Variants in MYRIP observed in about 807,000 individuals in gnomAD.
MYRIP encodes the protein rab effector MyRIP.
Under a neutral mutation model 98.0 loss-of-function variants are expected in MYRIP, and 49 were observed. The observed-to-expected ratio is 0.50, with a 90% CI of 0.40 to 0.63. The LOEUF is 0.63. Among genes scored for constraint, MYRIP ranks in the 30% least tolerant of loss-of-function variants. The pLI is 0.00. For synonymous variants in MYRIP, 404 were observed against 409.5 expected (o/e 0.99, Z 0.16); for missense variants, 1,004 against 1,058.2 (o/e 0.95, Z 0.71).
intron 2 of MYRIP, among the ~76,000 whole-genome samples, chr3:39,993,505 A>G (rs1468649218): frequency 6.6e-6 from 1 of 152,174 alleles, no homozygotes; most frequent in East Asian, 1.9e-4. Context: ...TGGAGGAAAA[A>G]GTACCACCAT....
At chr3:39,877,755 G>C (rs1247388067) in intron 1 of MYRIP, among the ~76,000 whole-genome samples, 1 of 151,984 alleles carries the variant, frequency 6.6e-6, no homozygotes, top group Non-Finnish European at 1.5e-5. Flanking sequence ...TGCCCCTACT[G>C]GGGGGTACCT....
At chr3:40,117,424 C>T (rs1241674188) in intron 3 of MYRIP, among the ~76,000 whole-genome samples, 7 of 152,206 alleles carry the variant, frequency 4.6e-5, no homozygotes, top group Non-Finnish European at 1.0e-4. Context: ...TAGCTTGAGG[C>T]AACCTTCTGC....
Position 40,244,465 on chromosome 3 carries a change from C to G in MYRIP, c.2120C>G (p.Thr707Ser). The part of the protein sequence containing the change: ...LEENVYLAAG[T>S]VYGLETQLTE... The stretch of plus-strand genomic sequence containing the variant: ...CTACAGGTATACCTGGCAGCAGGCA[C>G]TGTGTATGGACTGGAGACCCAGCTG... Residue 707 changes from threonine (T) to serine (S), a missense_variant, in exon 13 of 17, where the codon ACT becomes AGT. By Grantham distance (58) the Thr-to-Ser change is moderately conservative. Coordinates refer to ENST00000302541, the MANE Select transcript of MYRIP (RefSeq NM_015460.4). 3.1e-6 allele frequency: 5 copies of G among 1,612,906 alleles called. No individual in the cohort carries two copies. In the South Asian group the frequency reaches 4.4e-5, roughly 14 times the overall value.
intron 1 of MYRIP, among the ~76,000 whole-genome samples, chr3:39,841,109 G>T (rs1297082673): frequency 6.6e-6 from 1 of 151,872 alleles, no homozygotes; most frequent in East Asian, 2.0e-4. Flanking sequence ...ATCAAATGTA[G>T]GTTTGGTTTT....
At chr3:40,165,918 T>A (rs528770192) in intron 5 of MYRIP, among the ~76,000 whole-genome samples, 1 of 152,350 alleles carries the variant, frequency 6.6e-6, no homozygotes, top group East Asian at 1.9e-4. Context: ...GGAATCCAGC[T>A]GGATTCAAAT....
chr3:39,812,455 A>G (rs1429437098), intron 1 of MYRIP, among the ~76,000 whole-genome samples: 1 of 152,176 alleles, frequency 6.6e-6, no homozygotes, highest in Non-Finnish European at 1.5e-5. Context: ...CACCTTGATC[A>G]TTAGTTATTT....
intron 2 of MYRIP, among the ~76,000 whole-genome samples, chr3:40,010,304 C>T (rs1479098559): frequency 1.3e-5 from 2 of 152,214 alleles, no homozygotes; most frequent in Non-Finnish European, 2.9e-5. Flanking sequence ...GGAAAGCTGG[C>T]CTCTGAGAGT....
chr3:40,034,143 A>G (rs545534384), intron 2 of MYRIP, among the ~76,000 whole-genome samples: 8 of 151,804 alleles, frequency 5.3e-5, no homozygotes, highest in Non-Finnish European at 1.0e-4. Flanking sequence ...AGGCATTACT[A>G]TTCAGGACAT....
At chr3:39,811,333 A>G (rs1940681469) in intron 1 of MYRIP, among the ~76,000 whole-genome samples, 1 of 152,194 alleles carries the variant, frequency 6.6e-6, no homozygotes, top group Non-Finnish European at 1.5e-5. Flanking sequence ...CTTGGAGTTC[A>G]TAGGATATGA....
intron 1 of MYRIP, among the ~76,000 whole-genome samples, chr3:39,849,864 A>G (rs1942074282): frequency 6.6e-6 from 1 of 152,242 alleles, no homozygotes; most frequent in South Asian, 2.1e-4. Context: ...GTGACTGCCA[A>G]GAACAAAACA....
chr3:40,069,422 G>A (rs1422967243), intron 3 of MYRIP, among the ~76,000 whole-genome samples: 1 of 148,836 alleles, frequency 6.7e-6, no homozygotes, highest in Admixed American at 6.7e-5. Flanking sequence ...TTTTTAAAGT[G>A]TGATATAATA....
At chr3:39,858,549 A>G (rs1400402490) in intron 1 of MYRIP, among the ~76,000 whole-genome samples, 2 of 152,154 alleles carry the variant, frequency 1.3e-5, no homozygotes, top group Admixed American at 6.5e-5. Flanking sequence ...GAGTTAACAG[A>G]CATATATAGA....
intron 2 of MYRIP, among the ~76,000 whole-genome samples, chr3:39,943,583 A>G (rs1031063786): frequency 1.3e-5 from 2 of 152,114 alleles, no homozygotes; most frequent in African/African-American, 4.8e-5. Context: ...CCAGTAGAAG[A>G]ACACTGTCCT....
At chr3:40,247,882 TCAGG>T (rs1953255146) in intron 13 of MYRIP, among the ~76,000 whole-genome samples, 2 of 152,258 alleles carry the variant, frequency 1.3e-5, no homozygotes, top group South Asian at 4.1e-4. Flanking sequence ...GGTCCTGCCC[TCAGG>T]CATACACGCA....
intron 3 of MYRIP, among the ~76,000 whole-genome samples, chr3:40,056,672 A>G (rs774233918): frequency 1.6e-4 from 24 of 152,230 alleles, no homozygotes; most frequent in Non-Finnish European, 3.1e-4. Context: ...CATTATATTT[A>G]TAGAGAAACT....
chr3:39,857,278 G>GAAGGAAGGAAGGAAGGAAGGAAGGAAGC (rs1942332101), intron 1 of MYRIP, among the ~76,000 whole-genome samples: 1 of 150,134 alleles, frequency 6.7e-6, no homozygotes, highest in African/African-American at 2.5e-5. Flanking sequence ...AGGAAGGAAG[G>GAAGGAAGGAAGGAAGGAAGGAAGGAAGC]AAAAATGAGT....
At chr3:39,998,089 C>G (rs1047562320) in intron 2 of MYRIP, among the ~76,000 whole-genome samples, 10 of 152,070 alleles carry the variant, frequency 6.6e-5, no homozygotes, top group African/African-American at 2.4e-4. Context: ...ACTGAATGGG[C>G]AAAAACTGGA....
At chr3:40,065,439 T>C (rs67319348) in intron 3 of MYRIP, among the ~76,000 whole-genome samples, 44,040 of 150,504 alleles carry the variant, frequency 0.29, 6,463 homozygotes, top group East Asian at 0.36. Flanking sequence ...ACCCACAACA[T>C]GCTGTGGGAT....
chr3:39,837,052 C>T (rs1318203833), intron 1 of MYRIP, among the ~76,000 whole-genome samples: 1 of 152,172 alleles, frequency 6.6e-6, no homozygotes, highest in African/African-American at 2.4e-5. Context: ...ATTATTACAG[C>T]TATGTAACCT....
Sources: allele counts gnomAD v4.1 joint callset (sites outside exome capture counted in the v4.1 genomes callset), GRCh38; gene constraint gnomAD v4.1.1; transcripts MANE v1.5; gene names NCBI Gene and HGNC (gene_info 2026-07-23, HGNC 2026-07-21).